The following USO1 variants were observed in gnomAD, a reference collection of about 807,000 sequenced individuals.
The protein encoded by USO1 is USO1 vesicle transport factor.
USO1 carries 57 observed loss-of-function variants against 124.5 expected under a neutral mutation model. The ratio of observed to expected loss-of-function variants is 0.46; its 90% CI spans 0.37 to 0.57. USO1 has a LOEUF of 0.57. Ranked by LOEUF, USO1 falls within the 20% of genes least tolerant of loss-of-function variation. USO1 has a pLI of 0.00. For synonymous variants in USO1, 369 were observed against 362.8 expected (o/e 1.02, Z -0.19); for missense variants, 900 against 1,040.6 (o/e 0.86, Z 1.86).
intron 1 of USO1, among the ~76,000 whole-genome samples, chr4:75,748,441 A>G (rs13102906): frequency 0.53 from 80,556 of 151,274 alleles, 23,125 homozygotes; most frequent in East Asian, 0.81. Context: ...CACCCCTCTC[A>G]GCCTCCCAAA....
intron 4 of USO1, chr4:75,760,511 A>G (rs1483312196): frequency 2.6e-6 from 1 of 391,224 alleles, no homozygotes; most frequent in Non-Finnish European, 4.5e-6. Flanking sequence ...TTAAGCTCCT[A>G]TTTTACGTGT....
intron 4 of USO1, among the ~76,000 whole-genome samples, 151 bp downstream of exon 4, chr4:75,757,724 A>C (rs1721487486): frequency 6.6e-6 from 1 of 152,112 alleles, no homozygotes; most frequent in Non-Finnish European, 1.5e-5. Flanking sequence ...ATAGGCTTAG[A>C]TCTAGAAAAG....
At chr4:75,770,667 T>G in intron 5 of USO1, 128 bp downstream of exon 5, 7 of 1,450,344 alleles carry the variant, frequency 4.8e-6, no homozygotes, top group Non-Finnish European at 6.4e-6. Context: ...TAGCAAGAGA[T>G]CCACATGGAT....
At chr4:75,753,555 TAATAA>T (rs1721347645) in intron 3 of USO1, among the ~76,000 whole-genome samples, 1 of 150,114 alleles carries the variant, frequency 6.7e-6, no homozygotes, top group Non-Finnish European at 1.5e-5. Context: ...AAAAGATAAA[TAATAA>T]AATAAAAATT....
chr4:75,783,966 T>C (rs1265401924), intron 9 of USO1, among the ~76,000 whole-genome samples: 1 of 152,258 alleles, frequency 6.6e-6, no homozygotes. Flanking sequence ...TTTAATGTTT[T>C]AGAAACAGTG....
At chr4:75,732,323 T>C (rs1235821160) in intron 1 of USO1, among the ~76,000 whole-genome samples, 1 of 152,246 alleles carries the variant, frequency 6.6e-6, no homozygotes, top group Non-Finnish European at 1.5e-5. Flanking sequence ...TCTATGTTGC[T>C]GCAAAGGGCA....
At chr4:75,793,576 G>A (rs1448326699) in intron 12 of USO1, 114 bp from the exon 13 acceptor site, 1 of 1,344,266 alleles carries the variant, frequency 7.4e-7, no homozygotes, top group East Asian at 2.5e-5. Flanking sequence ...CATGTTTAAT[G>A]ATTATATTTA....
rs1369637725 is a variant in USO1 at position 75,724,753 on chromosome 4, G to A, written c.-67G>A. 5 of 1,552,668 alleles carry A rather than the reference G, an allele frequency of 3.2e-6. No individual in the cohort carries two copies. The highest frequency in any genetic ancestry group is 2.7e-5 in the African/African-American group (2 of 73,756). On this transcript the variant is annotated 5_prime_UTR_variant, in exon 1 of 24. Transcript: ENST00000514213. ...GCGGGATTGGGGCCCAGGCCCTGCG[G>A]AGGGCGGGGGAAGTTGTCTTCTTTT...
intron 3 of USO1, among the ~76,000 whole-genome samples, chr4:75,756,099 G>A (rs746955234): frequency 6.6e-6 from 1 of 151,748 alleles, no homozygotes; most frequent in Non-Finnish European, 1.5e-5. Flanking sequence ...GAACCCAGGA[G>A]GGGGAGCTTG....
In USO1 at chr4:75,740,750, C is replaced by A. The variant is rs79321279; in HGVS notation, c.67-11623C>A. Among the ~76,000 whole-genome samples the A allele has an allele frequency of 6.6e-5, 10 of 152,218 alleles. No homozygotes were observed. In the East Asian group the frequency reaches 1.7e-3, roughly 26 times the overall value. ...AAAGCAAGATCTAATATGGAAATTT[C>A]TTTAATTTTTTTCTCTTTATTTATT... On this transcript the variant is annotated intron_variant, in intron 1 of 23. Transcript: ENST00000514213.
intron 3 of USO1, among the ~76,000 whole-genome samples, chr4:75,754,837 G>T (rs1721392567): frequency 6.6e-6 from 1 of 152,146 alleles, no homozygotes; most frequent in South Asian, 2.1e-4. Context: ...CTTTGGCCGT[G>T]TAACAAATTA....
intron 1 of USO1, among the ~76,000 whole-genome samples, chr4:75,734,718 CTTTTTTT>C (rs55928639): frequency 8.4e-5 from 4 of 47,464 alleles, no homozygotes; most frequent in African/African-American, 1.7e-4. Context: ...GGCAGTATGG[CTTTTTTT>C]TTTTTTTTTT....
chr4:75,751,185 ATTATT>A (rs1236361958), intron 1 of USO1, among the ~76,000 whole-genome samples: 14,428 of 150,592 alleles, frequency 0.096, 831 homozygotes, highest in Middle Eastern at 0.17. Flanking sequence ...GTTTCTATAA[ATTATT>A]TTATTTTATT....
chr4:75,807,518 T>A lies in USO1; in HGVS notation c.2376+946T>A, dbSNP rs1723031237. Among the ~76,000 whole-genome samples, 2 of 152,110 alleles carry A rather than the reference T, an allele frequency of 1.3e-5. 1 individual carries two copies. The highest frequency in any genetic ancestry group is 4.2e-4 in the South Asian group (2 of 4,814). On this transcript the variant is annotated intron_variant, in intron 20 of 23. Transcript: ENST00000514213. ...GAGAAATGACTGAACATAGAGAAAT[T>A]TTGTCTTATTTTGATAATGTCCATG...
intron 8 of USO1, among the ~76,000 whole-genome samples, chr4:75,780,540 G>A (rs1722190190): frequency 6.6e-6 from 1 of 151,002 alleles, no homozygotes; most frequent in African/African-American, 2.4e-5. Context: ...CAAAGTGCTG[G>A]GATTACAGAC....
chr4:75,790,273 A>C (rs1267240821), intron 11 of USO1, 35 bp downstream of exon 11: 4 of 1,559,200 alleles, frequency 2.6e-6, no homozygotes, highest in African/African-American at 2.7e-5. Context: ...TACTCTGAGG[A>C]AGTAAAAACT....
In USO1 at chr4:75,813,010, G is replaced by A. The variant is rs150237289; in HGVS notation, c.2800-196G>A. Among the ~76,000 whole-genome samples the A allele has an allele frequency of 7.9e-3, 1,196 of 152,178 alleles. 17 individuals are homozygous for A. The highest frequency in any genetic ancestry group is 0.027 in the African/African-American group (1,124 of 41,514). Reference sequence around the variant, plus strand: ...CACCTGTAATCCCAGCTACTCGGGAGGCTGAGACAGGATAATCGCTTGAAC... The same window carrying A: ...CACCTGTAATCCCAGCTACTCGGGAAGCTGAGACAGGATAATCGCTTGAAC... On this transcript the variant is annotated intron_variant, in intron 23 of 23. Coordinates refer to ENST00000514213, the MANE Select transcript of USO1 (RefSeq NM_003715.4).
chr4:75,732,606 C>G (rs1424225707), intron 1 of USO1, among the ~76,000 whole-genome samples: 1 of 152,040 alleles, frequency 6.6e-6, no homozygotes, highest in Non-Finnish European at 1.5e-5. Flanking sequence ...TTACTGGACG[C>G]AGTGGCTCAA....
chr4:75,809,102 T>G, intron 21 of USO1, 51 bp downstream of exon 21: 1 of 1,520,096 alleles, frequency 6.6e-7, no homozygotes, highest in South Asian at 1.3e-5. Flanking sequence ...AAGGTTGATG[T>G]ATTATTTCTT....
Sources: allele counts gnomAD v4.1 joint callset (sites outside exome capture counted in the v4.1 genomes callset), GRCh38; gene constraint gnomAD v4.1.1; transcripts MANE v1.5; gene names NCBI Gene and HGNC (gene_info 2026-07-23, HGNC 2026-07-21).